RANBP2: variants seen among roughly 807,000 people sequenced by gnomAD.
The protein encoded by RANBP2 is E3 SUMO-protein ligase RanBP2.
A neutral mutation model predicts 303.6 loss-of-function variants in RANBP2; 57 were observed. The observed-to-expected ratio is 0.19, with a 90% CI of 0.15 to 0.23. RANBP2 has a LOEUF of 0.23. RANBP2 is among the 10% of genes least tolerant of loss of function. RANBP2 has a pLI of 1.00. For synonymous variants in RANBP2, 1,167 were observed against 1,301.5 expected (o/e 0.90, Z 2.23); for missense variants, 3,138 against 3,780.8 (o/e 0.83, Z 4.46).
chr2:109,606,248 C>T, the RANBP2 span, among the ~76,000 whole-genome samples: 15 of 152,232 alleles, frequency 9.9e-5, no homozygotes, highest in South Asian at 2.9e-3. Flanking sequence ...AACCCCGCTT[C>T]TACTAGAACT....
At chr2:109,467,197 C>T in the RANBP2 span, among the ~76,000 whole-genome samples, 1 of 152,266 alleles carries the variant, frequency 6.6e-6, no homozygotes, top group Non-Finnish European at 1.5e-5. Context: ...GGATCCGTAG[C>T]AGCTTTATTT....
chr2:109,730,776 CTTTTTTTTTTTTTTTTTTT>C, the RANBP2 span, among the ~76,000 whole-genome samples: 2 of 79,396 alleles, frequency 2.5e-5, no homozygotes, highest in East Asian at 5.0e-4. Context: ...CTCTCTCTCT[CTTTTTTTTTTTTTTTTTTT>C]TTTTTTTTTT....
chr2:108,818,034 G>A, the RANBP2 span, among the ~76,000 whole-genome samples: 11 of 152,290 alleles, frequency 7.2e-5, no homozygotes, highest in East Asian at 5.8e-4. Context: ...GGCTGGGCAC[G>A]GTGGCTCATA....
the RANBP2 span, among the ~76,000 whole-genome samples, chr2:109,513,243 C>A: frequency 6.6e-6 from 1 of 152,134 alleles, no homozygotes; most frequent in African/African-American, 2.4e-5. Context: ...ACCTGACACA[C>A]CACACACACC....
At chr2:108,878,038 G>A in the RANBP2 span, among the ~76,000 whole-genome samples, 4 of 152,164 alleles carry the variant, frequency 2.6e-5, no homozygotes, top group African/African-American at 4.8e-5. Flanking sequence ...ACATTCAGGC[G>A]TTGAGAAATT....
At chr2:109,009,823 C>T in the RANBP2 span, among the ~76,000 whole-genome samples, 2 of 151,596 alleles carry the variant, frequency 1.3e-5, no homozygotes, top group Admixed American at 6.6e-5. Flanking sequence ...TGAGCTACCA[C>T]AGCAGCTTAA....
At chr2:109,440,764 G>A in the RANBP2 span, among the ~76,000 whole-genome samples, 1 of 152,182 alleles carries the variant, frequency 6.6e-6, no homozygotes, top group African/African-American at 2.4e-5. Flanking sequence ...AGTGACCAGA[G>A]AGGAGAGAAC....
At chr2:109,512,792 C>A in the RANBP2 span, among the ~76,000 whole-genome samples, 1 of 152,118 alleles carries the variant, frequency 6.6e-6, no homozygotes, top group Non-Finnish European at 1.5e-5. Flanking sequence ...GCCCCAAGAC[C>A]TAAGACCCCT....
chr2:108,846,642 A>C, the RANBP2 span: 1 of 1,077,250 alleles, frequency 9.3e-7, no homozygotes, highest in South Asian at 1.5e-5. Context: ...GCGCTACTGC[A>C]TTCCAACCTG....
chr2:109,702,067 T>C, the RANBP2 span, among the ~76,000 whole-genome samples: 2 of 152,244 alleles, frequency 1.3e-5, no homozygotes, highest in African/African-American at 4.8e-5. Context: ...TGTGTTTGCC[T>C]CAATGCCAGG....
the RANBP2 span, among the ~76,000 whole-genome samples, chr2:109,102,293 G>C: frequency 2.0e-5 from 3 of 151,728 alleles, no homozygotes; most frequent in African/African-American, 7.3e-5. Context: ...GTAGAGACGG[G>C]GTTTCACCGT....
At chr2:109,139,282 G>A in the RANBP2 span, among the ~76,000 whole-genome samples, 2 of 152,064 alleles carry the variant, frequency 1.3e-5, no homozygotes, top group South Asian at 2.1e-4. Flanking sequence ...AATTAATGTC[G>A]CCTTAACAAA....
chr2:109,252,851 G>A, the RANBP2 span, among the ~76,000 whole-genome samples: 1 of 152,106 alleles, frequency 6.6e-6, no homozygotes, highest in African/African-American at 2.4e-5. Context: ...TGGTTATATA[G>A]GTATGTGAAG....
chr2:109,162,297 G>A, the RANBP2 span, among the ~76,000 whole-genome samples: 1 of 152,210 alleles, frequency 6.6e-6, no homozygotes, highest in Non-Finnish European at 1.5e-5. Context: ...AAAGGCGCTG[G>A]TGTAAATACA....
the RANBP2 span, among the ~76,000 whole-genome samples, chr2:108,822,048 A>G: frequency 6.6e-6 from 1 of 152,132 alleles, no homozygotes; most frequent in Non-Finnish European, 1.5e-5. Context: ...ACCCAACTGT[A>G]TGCTGTCTAC....
chr2:108,814,793 G>A, the RANBP2 span, among the ~76,000 whole-genome samples: 15 of 151,098 alleles, frequency 9.9e-5, no homozygotes, highest in African/African-American at 3.6e-4. Flanking sequence ...CCACCACCAC[G>A]CCTGGCTAAT....
At chr2:108,722,037 A>AT (rs754633212) in intron 1 of RANBP2, among the ~76,000 whole-genome samples, 240 of 136,618 alleles carry the variant, frequency 1.8e-3, no homozygotes, top group African/African-American at 4.9e-3. Context: ...GCTCAGCCTG[A>AT]TTTTTTTTTT....
chr2:109,039,705 T>C, the RANBP2 span, among the ~76,000 whole-genome samples: 2 of 152,188 alleles, frequency 1.3e-5, 1 homozygote, highest in East Asian at 3.9e-4. Context: ...TATTCCATTA[T>C]TCTCCCTTTT....
chr2:109,631,582 C>T, the RANBP2 span, among the ~76,000 whole-genome samples: 1 of 151,872 alleles, frequency 6.6e-6, no homozygotes, highest in Admixed American at 6.6e-5. Flanking sequence ...GTGGTGAAAC[C>T]CTGTCTCTAC....
Sources: gnomAD v4.1 joint callset for allele counts (sites outside exome capture counted in the v4.1 genomes callset) on GRCh38, gnomAD v4.1.1 for gene constraint, MANE v1.5 for transcripts, NCBI Gene and HGNC (gene_info 2026-07-23, HGNC 2026-07-21) for gene names.